CSMD1: variants seen among roughly 807,000 people sequenced by gnomAD.
The protein encoded by CSMD1 is CUB and Sushi multiple domains 1, also known as CUB and sushi domain-containing protein 1.
A neutral mutation model predicts 417.5 loss-of-function variants in CSMD1; 213 were observed. The ratio of observed to expected loss-of-function variants is 0.51; its 90% CI spans 0.46 to 0.57. CSMD1 has a LOEUF of 0.57. CSMD1 is among the 20% of genes least tolerant of loss of function. The probability of loss-of-function intolerance (pLI) is 0.00; values close to 1 mark genes in which losing one functional copy is unlikely to be tolerated. For missense variants in CSMD1, 6,923 were observed against 4,529.7 expected, an observed-to-expected ratio of 1.53 and a Z score of -15.17; for synonymous variants, 2,862 against 1,736.8, an observed-to-expected ratio of 1.65 and a Z score of -16.11.
chr8:3,835,154 G>C (rs530380779), intron 5 of CSMD1, among the ~76,000 whole-genome samples: 1 of 147,538 alleles, frequency 6.8e-6, no homozygotes, highest in African/African-American at 2.6e-5. Context: ...GTGGAAGTCA[G>C]TGTGGCGATT....
intron 3 of CSMD1, among the ~76,000 whole-genome samples, chr8:4,322,634 G>T (rs1466898455): frequency 6.6e-6 from 1 of 152,102 alleles, no homozygotes; most frequent in East Asian, 1.9e-4. Context: ...ACATATTTGA[G>T]AAAAATCTAA....
At chr8:3,367,271 G>T in intron 19 of CSMD1, 24 bp from the exon 20 acceptor site, 1 of 1,554,402 alleles carries the variant, frequency 6.4e-7, no homozygotes, top group Non-Finnish European at 8.8e-7. Flanking sequence ...CCGGGGGAGA[G>T]AGAGAGAGAC....
chr8:4,001,405 G>C (rs547036229), intron 4 of CSMD1, among the ~76,000 whole-genome samples: 56 of 152,274 alleles, frequency 3.7e-4, no homozygotes, highest in African/African-American at 1.3e-3. Context: ...ACCTGCAGAA[G>C]GTGTCTAGGG....
chr8:4,544,056 C>T (rs1797528801), intron 2 of CSMD1, among the ~76,000 whole-genome samples: 2 of 152,262 alleles, frequency 1.3e-5, no homozygotes, highest in African/African-American at 2.4e-5. Flanking sequence ...TTTGCAATTA[C>T]TTTTCCCAGT....
At chr8:4,036,481 T>G (rs1158729863) in intron 3 of CSMD1, among the ~76,000 whole-genome samples, 3 of 152,188 alleles carry the variant, frequency 2.0e-5, no homozygotes, top group African/African-American at 4.8e-5. Context: ...AAAGAAATAT[T>G]TGTAAACACC....
chr8:4,969,465 TATTC>T lies in CSMD1; in HGVS notation c.85+24863_85+24866del, dbSNP rs573449161. On this transcript the variant is annotated intron_variant, in intron 1 of 69. Coordinates refer to ENST00000635120, the MANE Select transcript of CSMD1 (RefSeq NM_033225.6). ...AGTTCACAGAAAATCTTTCTATTCA[TATTC>T]ATTCATTCTCTCTCTCTCTTTCTGT... Among the ~76,000 whole-genome samples the T allele has an allele frequency of 6.9e-4, 105 of 151,700 alleles. 2 individuals carry two copies. The Admixed American group carries it at 6.9e-3, about 10-fold the overall frequency.
At chr8:3,131,993 C>T (rs1008273931) in intron 41 of CSMD1, among the ~76,000 whole-genome samples, 1 of 152,090 alleles carries the variant, frequency 6.6e-6, no homozygotes, top group Non-Finnish European at 1.5e-5. Flanking sequence ...AATCCAATAC[C>T]ATCACTCCAC....
At chr8:4,909,661 G>C (rs1042439069) in intron 1 of CSMD1, among the ~76,000 whole-genome samples, 2 of 152,076 alleles carry the variant, frequency 1.3e-5, no homozygotes, top group Non-Finnish European at 2.9e-5. Flanking sequence ...GGCCTCCTAA[G>C]ACTGCACACC....
intron 4 of CSMD1, among the ~76,000 whole-genome samples, chr8:4,012,254 C>G (rs1434291506): frequency 6.6e-6 from 1 of 152,092 alleles, no homozygotes; most frequent in Non-Finnish European, 1.5e-5. Context: ...CAGGCTTTCT[C>G]TAATCTTATT....
At chr8:3,748,498 C>T (rs918754225) in intron 6 of CSMD1, among the ~76,000 whole-genome samples, 3 of 152,128 alleles carry the variant, frequency 2.0e-5, no homozygotes, top group African/African-American at 7.2e-5. Flanking sequence ...TGATTTCCTC[C>T]ATTCCTTCCG....
rs1223953446 is a variant in CSMD1 at position 4,717,707 on chromosome 8, G to C, written c.86-80149C>G. On this transcript the variant is annotated intron_variant, in intron 1 of 69. Transcript: ENST00000635120. ...TTCCGAAGAGGCTGGGTAACCAAGAGAATCACATACAGTGGAGCCATGTTT... is the reference window on the plus strand; with the variant it reads ...TTCCGAAGAGGCTGGGTAACCAAGACAATCACATACAGTGGAGCCATGTTT... Among the ~76,000 whole-genome samples the C allele has an allele frequency of 2.6e-5, 4 of 152,010 alleles. 1 individual carries two copies. The highest frequency in any genetic ancestry group is 9.7e-5 in the African/African-American group (4 of 41,388).
At chr8:3,068,498 G>C (rs536547580) in intron 49 of CSMD1, among the ~76,000 whole-genome samples, 1 of 152,256 alleles carries the variant, frequency 6.6e-6, no homozygotes, top group Admixed American at 6.5e-5. Flanking sequence ...ATGTGTATTA[G>C]GCCATTCTCG....
chr8:3,014,574 C>T (rs1222381820), intron 52 of CSMD1, among the ~76,000 whole-genome samples: 7 of 152,138 alleles, frequency 4.6e-5, no homozygotes, highest in South Asian at 2.1e-4. Context: ...GACACAACTT[C>T]ATTGAGAACT....
At chr8:4,055,023 C>G (rs959082276) in intron 3 of CSMD1, among the ~76,000 whole-genome samples, 2 of 152,122 alleles carry the variant, frequency 1.3e-5, no homozygotes, top group African/African-American at 4.8e-5. Flanking sequence ...AAGAAGGCGC[C>G]TATTTCACAA....
intron 2 of CSMD1, among the ~76,000 whole-genome samples, chr8:4,444,828 C>T (rs577093633): frequency 2.3e-4 from 35 of 152,286 alleles, no homozygotes; most frequent in African/African-American, 6.5e-4. Flanking sequence ...CAGCCACAAG[C>T]CTTCAGGTGC....
At chr8:3,349,595 G>T (rs1005349043) in intron 21 of CSMD1, among the ~76,000 whole-genome samples, 2 of 151,270 alleles carry the variant, frequency 1.3e-5, no homozygotes, top group African/African-American at 4.9e-5. Flanking sequence ...ATGCCATTGG[G>T]AATTTATAAT....
At chr8:4,069,620 G>C (rs1429838339) in intron 3 of CSMD1, among the ~76,000 whole-genome samples, 1 of 152,100 alleles carries the variant, frequency 6.6e-6, no homozygotes, top group South Asian at 2.1e-4. Context: ...CATCTGGCCT[G>C]TATTCCCCTC....
intron 3 of CSMD1, among the ~76,000 whole-genome samples, chr8:4,326,831 G>GA (rs57676205): frequency 0.15 from 23,288 of 150,930 alleles, 2,029 homozygotes; most frequent in African/African-American, 0.23. Flanking sequence ...AGATTCTTCT[G>GA]AAAAAAAAAG....
intron 1 of CSMD1, among the ~76,000 whole-genome samples, chr8:4,830,021 C>G (rs1034740822): frequency 6.6e-6 from 1 of 152,134 alleles, no homozygotes; most frequent in African/African-American, 2.4e-5. Flanking sequence ...ACTGCCTGTC[C>G]TTCTCTAAGG....
Sources: gnomAD v4.1 joint callset for allele counts (sites outside exome capture counted in the v4.1 genomes callset) on GRCh38, gnomAD v4.1.1 for gene constraint, MANE v1.5 for transcripts, NCBI Gene and HGNC (gene_info 2026-07-23, HGNC 2026-07-21) for gene names.